The following HS2ST1 variants were observed in gnomAD, a reference collection of about 807,000 sequenced individuals.
HS2ST1 encodes 2-O-sulfotransferase.
Under a neutral mutation model 42.9 loss-of-function variants are expected in HS2ST1, and 18 were observed. The observed-to-expected ratio is 0.42, with a 90% CI of 0.29 to 0.62. The LOEUF is 0.62. Among genes scored for constraint, HS2ST1 ranks in the 20% least tolerant of loss-of-function variants. The pLI is 0.21. For synonymous variants in HS2ST1, 146 were observed against 152.9 expected (o/e 0.95, Z 0.33); for missense variants, 334 against 433.8 (o/e 0.77, Z 2.04).
rs572639451 is a variant in HS2ST1 at position 87,002,212 on chromosome 1, G to A, written c.125-70722G>A. Among the ~76,000 whole-genome samples the A allele has an allele frequency of 5.9e-5, 9 of 152,222 alleles. No homozygotes were observed. The East Asian group carries it at 7.7e-4, about 13-fold the overall frequency. ...CAGGCGTGAGCCACCGTGCCCGGCC[G>A]GACTATTGTATTTTTAAAATAACAA... On this transcript the variant is annotated intron_variant, in intron 1 of 6. Coordinates refer to ENST00000370550, the MANE Select transcript of HS2ST1 (RefSeq NM_012262.4).
At chr1:87,004,903 T>C (rs1226020475) in intron 1 of HS2ST1, among the ~76,000 whole-genome samples, 1 of 152,222 alleles carries the variant, frequency 6.6e-6, no homozygotes, top group Non-Finnish European at 1.5e-5. Context: ...GTAACATTAG[T>C]AAAGGACAAT....
intron 1 of HS2ST1, among the ~76,000 whole-genome samples, chr1:87,004,851 T>C (rs1251677551): frequency 6.6e-6 from 1 of 152,208 alleles, no homozygotes; most frequent in Admixed American, 6.5e-5. Flanking sequence ...CCAGGCCATA[T>C]CGTTTTTGAT....
rs900608433 is a variant in HS2ST1, at chr1:87,107,140, ATTAT to A, written c.*2449_*2452del. On this transcript the variant is annotated 3_prime_UTR_variant, in exon 7 of 7. Transcript: ENST00000370550. The stretch of plus-strand genomic sequence containing the variant: ...AACCAACCATTGCACTGGCCAAATC[ATTAT>A]TTATGGAGAAATCCTCTTTGTGTCT... 62 of 152,214 alleles carry A rather than the reference ATTAT, an allele frequency of 4.1e-4. No homozygotes were observed. The highest frequency in any genetic ancestry group is 1.5e-3 in the African/African-American group (62 of 41,582). 9.4% of individuals were successfully genotyped at this position (152,214 alleles called of 1,614,324 possible).
intron 3 of HS2ST1, among the ~76,000 whole-genome samples, chr1:87,090,044 T>C (rs1651903632): frequency 6.6e-6 from 1 of 152,006 alleles, no homozygotes; most frequent in South Asian, 2.1e-4. Context: ...ATGGAATCAC[T>C]AACCCATTGT....
chr1:87,093,081 T>C (rs921040678), intron 4 of HS2ST1, among the ~76,000 whole-genome samples: 3 of 152,190 alleles, frequency 2.0e-5, no homozygotes, highest in Non-Finnish European at 4.4e-5. Context: ...AAGAGAATAA[T>C]GGCTCAACAA....
At chr1:86,923,966 A>C (rs566369263) in intron 1 of HS2ST1, among the ~76,000 whole-genome samples, 2 of 152,132 alleles carry the variant, frequency 1.3e-5, no homozygotes, top group African/African-American at 4.8e-5. Flanking sequence ...CATTAACTCA[A>C]AAGTCCACAG....
intron 1 of HS2ST1, among the ~76,000 whole-genome samples, chr1:86,990,880 A>G (rs1430126819): frequency 1.7e-5 from 2 of 116,478 alleles, no homozygotes; most frequent in African/African-American, 3.3e-5. Flanking sequence ...GGGTTTCTCC[A>G]TGTTGGTCAG....
chr1:86,964,800 C>T (rs564152291), intron 1 of HS2ST1, among the ~76,000 whole-genome samples: 10 of 152,250 alleles, frequency 6.6e-5, no homozygotes, highest in Admixed American at 5.9e-4. Flanking sequence ...AATCTGAGTT[C>T]CTAAAGGTTA....
intron 1 of HS2ST1, among the ~76,000 whole-genome samples, chr1:86,967,125 A>C (rs888624457): frequency 6.6e-6 from 1 of 152,120 alleles, no homozygotes; most frequent in Non-Finnish European, 1.5e-5. Context: ...TCCTGACCTC[A>C]GGTGATCTGC....
At chr1:87,050,542 G>A (rs1650804670) in intron 1 of HS2ST1, among the ~76,000 whole-genome samples, 2 of 152,078 alleles carry the variant, frequency 1.3e-5, no homozygotes, top group Middle Eastern at 6.8e-3. Flanking sequence ...ATGGAGAATG[G>A]TACCCACAGG....
chr1:86,947,634 C>A (rs1457261997), intron 1 of HS2ST1, among the ~76,000 whole-genome samples: 2 of 148,608 alleles, frequency 1.3e-5, no homozygotes, highest in Admixed American at 1.3e-4. Flanking sequence ...GTTTTAATTT[C>A]AGCAAATACT....
chr1:87,051,424 C>T (rs746808924), intron 1 of HS2ST1, among the ~76,000 whole-genome samples: 12 of 151,734 alleles, frequency 7.9e-5, no homozygotes, highest in Non-Finnish European at 1.6e-4. Context: ...TTATTTCTGG[C>T]ATAGGAAAAT....
chr1:87,090,089 CCT>C (rs1408343757), intron 3 of HS2ST1, among the ~76,000 whole-genome samples: 1 of 152,020 alleles, frequency 6.6e-6, no homozygotes, highest in African/African-American at 2.4e-5. Context: ...CTATTAAAAA[CCT>C]CTCAGCTCTG....
intron 1 of HS2ST1, among the ~76,000 whole-genome samples, chr1:86,997,947 C>T (rs1166292095): frequency 1.3e-5 from 2 of 152,134 alleles, no homozygotes; most frequent in African/African-American, 4.8e-5. Context: ...ATAATTAAAA[C>T]CATGGGTCGT....
At chr1:87,068,981 C>T (rs1209333254) in intron 1 of HS2ST1, among the ~76,000 whole-genome samples, 3 of 152,036 alleles carry the variant, frequency 2.0e-5, no homozygotes, top group Admixed American at 2.0e-4. Flanking sequence ...TACAGGTGCA[C>T]GCCACCAGGC....
At chr1:86,976,377 G>A (rs1195676557) in intron 1 of HS2ST1, among the ~76,000 whole-genome samples, 1 of 152,110 alleles carries the variant, frequency 6.6e-6, no homozygotes, top group Non-Finnish European at 1.5e-5. Context: ...CAGGAGTAGG[G>A]GGGATGAACT....
intron 1 of HS2ST1, among the ~76,000 whole-genome samples, chr1:86,942,953 C>G (rs536638330): frequency 6.6e-6 from 1 of 152,094 alleles, no homozygotes; most frequent in Non-Finnish European, 1.5e-5. Context: ...AATCATCAGA[C>G]TTTCTGGCTC....
intron 1 of HS2ST1, chr1:87,064,447 T>G (rs755080033): frequency 1.9e-6 from 1 of 518,168 alleles, no homozygotes; most frequent in Admixed American, 1.9e-5. Flanking sequence ...CTACTCCATC[T>G]TCCCTTAAAG....
chr1:86,923,869 C>A (rs992608710), intron 1 of HS2ST1, among the ~76,000 whole-genome samples: 1 of 152,144 alleles, frequency 6.6e-6, no homozygotes, highest in Non-Finnish European at 1.5e-5. Flanking sequence ...TATCATTCCA[C>A]CCCTGGCCCC....
Sources: allele counts gnomAD v4.1 joint callset (sites outside exome capture counted in the v4.1 genomes callset), GRCh38; gene constraint gnomAD v4.1.1; transcripts MANE v1.5; gene names NCBI Gene and HGNC (gene_info 2026-07-23, HGNC 2026-07-21).